Variants in OR51L1 observed in about 807,000 individuals in gnomAD.
OR51L1 encodes olfactory receptor family 51 subfamily L member 1.
In OR51L1, 1 loss-of-function variant was observed where a neutral mutation model predicts 1.4. The observed-to-expected ratio is 0.72, with a 90% CI of 0.26 to 3.42. The LOEUF (loss-of-function observed/expected upper bound fraction) is 3.42. Ranked by LOEUF, OR51L1 falls within the 30% of genes most tolerant of loss-of-function variation. OR51L1 has a pLI of 0.20. For synonymous variants in OR51L1, 156 were observed against 144.2 expected (o/e 1.08, Z -0.59); for missense variants, 378 against 380.0 (o/e 0.99, Z 0.04).
Position 4,999,339 on chromosome 11 carries a change from C to T in OR51L1, c.357C>T (p.Ala119=). 1 of 1,614,156 alleles carries T rather than the reference C, an allele frequency of 6.2e-7. No individual in the cohort carries two copies. The highest frequency in any genetic ancestry group is 8.5e-7 in the Non-Finnish European group (1 of 1,180,034). ...FTFLESSVLL[A]MAFDRFVAIC... ...TCCTGGAGTCCTCAGTGTTGCTGGCCATGGCCTTTGACCGTTTTGTTGCTA... is the reference window on the plus strand; with the variant it reads ...TCCTGGAGTCCTCAGTGTTGCTGGCTATGGCCTTTGACCGTTTTGTTGCTA... Residue 119 remains alanine, a synonymous_variant, in exon 3 of 3, where the codon GCC becomes GCT. Transcript: ENST00000641819.
chr11:4,996,414 A>G (rs1847069182), intron 1 of OR51L1, among the ~76,000 whole-genome samples: 1 of 152,114 alleles, frequency 6.6e-6, no homozygotes, highest in Admixed American at 6.6e-5. Flanking sequence ...CCTAACCTCA[A>G]ATCTATTGGC....
In OR51L1 at chr11:4,998,867, G is replaced by A. The variant is rs1057035883; in HGVS notation, c.-116G>A. The A allele has an allele frequency of 1.3e-5, 15 of 1,158,442 alleles. No individual in the cohort carries two copies. The highest frequency in any genetic ancestry group is 3.1e-5 in the African/African-American group (2 of 64,542). 71.8% of individuals were successfully genotyped at this position (1,158,442 alleles called of 1,614,324 possible). On this transcript the variant is annotated 5_prime_UTR_variant, in exon 3 of 3. Transcript: ENST00000641819. The stretch of plus-strand genomic sequence containing the variant: ...GCTTCCTTCCTCTGTGAGGTTAGAC[G>A]AAAGATGTATTTTTGTCCTCATTCC...
In OR51L1 at chr11:5,000,229, G is replaced by T. The variant is rs541691968; in HGVS notation, c.*299G>T. On this transcript the variant is annotated 3_prime_UTR_variant, in exon 3 of 3. Coordinates refer to ENST00000641819, the MANE Select transcript of OR51L1 (RefSeq NM_001004755.2). ...TTATTAATGTTATTAAGTTGTCATT[G>T]TTGTTAATGATAACAGTATTTTCCT... 1 of 241,262 alleles carries T rather than the reference G, an allele frequency of 4.1e-6. No individual in the cohort carries two copies. The highest frequency in any genetic ancestry group is 1.1e-4 in the South Asian group (1 of 9,162). The allele number at this position is 241,262 out of a possible 1,614,324, so 14.9% of individuals were successfully genotyped here.
chr11:5,004,257 C>T lies in OR51L1; in HGVS notation c.*4327C>T, dbSNP rs928675291. 4 of 152,096 alleles carry T rather than the reference C, an allele frequency of 2.6e-5. No homozygotes were observed. Among genetic ancestry groups the T allele is most frequent in the Admixed American group, 2.6e-4 (4 of 15,246 alleles). 9.4% of individuals were successfully genotyped at this position (152,096 alleles called of 1,614,324 possible). A position where few individuals can be genotyped will look rare whatever the true frequency, so the allele number is the denominator to read the frequency against. On this transcript the variant is annotated 3_prime_UTR_variant, in exon 3 of 3. Coordinates refer to ENST00000641819, the MANE Select transcript of OR51L1 (RefSeq NM_001004755.2). ...ACACTTCTGTGGGGTATAGGTGAAC[C>T]AAGGCTGAGAGACTAAGATTCCTTT...
rs1847124743 is a variant in OR51L1 at position 5,000,909 on chromosome 11, T to G, written c.*979T>G. The G allele has an allele frequency of 1.3e-5, 2 of 152,284 alleles. No homozygotes were observed. The highest frequency in any genetic ancestry group is 2.1e-4 in the South Asian group (1 of 4,820). The allele number at this position is 152,284 out of a possible 1,614,324, so 9.4% of individuals were successfully genotyped here. On this transcript the variant is annotated 3_prime_UTR_variant, in exon 3 of 3. Coordinates refer to ENST00000641819, the MANE Select transcript of OR51L1 (RefSeq NM_001004755.2). ...GTTTTAAGACTTGGTCTATGGAACTTCTTTTTCTTTCTTTTTCTTTTGAGA... is the reference window on the plus strand; with the variant it reads ...GTTTTAAGACTTGGTCTATGGAACTGCTTTTTCTTTCTTTTTCTTTTGAGA...
intron 2 of OR51L1, among the ~76,000 whole-genome samples, chr11:4,998,436 T>C (rs969998312): frequency 2.6e-5 from 4 of 151,850 alleles, no homozygotes; most frequent in East Asian, 1.9e-4. Flanking sequence ...GTATTTATCT[T>C]GTATTATTAA....
At chr11:4,995,493 A>G (rs1189464820) in intron 1 of OR51L1, among the ~76,000 whole-genome samples, 158 bp downstream of exon 1, 1 of 152,142 alleles carries the variant, frequency 6.6e-6, no homozygotes, top group Non-Finnish European at 1.5e-5. Flanking sequence ...AATTAAATTT[A>G]TTACAGTATT....
chr11:4,995,531 C>T (rs971678141), intron 1 of OR51L1, among the ~76,000 whole-genome samples, 196 bp downstream of exon 1: 4 of 151,858 alleles, frequency 2.6e-5, no homozygotes, highest in African/African-American at 9.7e-5. Flanking sequence ...TTATTTTCAG[C>T]GATTTTAAGA....
In OR51L1 at chr11:4,999,884, T is replaced by G; in HGVS notation, c.902T>G (p.Ile301Ser). The G allele has an allele frequency of 6.2e-7, 1 of 1,613,720 alleles. No homozygotes were observed. The highest frequency in any genetic ancestry group is 1.1e-5 in the South Asian group (1 of 91,026). ...PIVYSVRTKQ[I>S]RLGILHKFVL... ...GTCTATAGTGTCAGAACAAAGCAGA[T>G]TCGTCTAGGAATTCTCCACAAGTTT... The change falls in exon 3 of 3, where the codon ATT becomes AGT. Residue 301 changes from isoleucine to serine, a missense_variant. By Grantham distance (142) the Ile-to-Ser change is moderately radical (BLOSUM62 -2). Coordinates refer to ENST00000641819, the MANE Select transcript of OR51L1 (RefSeq NM_001004755.2).
At chr11:4,998,426 G>C (rs553168851) in intron 2 of OR51L1, among the ~76,000 whole-genome samples, 2 of 151,402 alleles carry the variant, frequency 1.3e-5, no homozygotes, top group Admixed American at 6.6e-5. Flanking sequence ...TCATATAGGG[G>C]TATTTATCTT....
chr11:5,002,376 G>A lies in OR51L1; in HGVS notation c.*2446G>A, dbSNP rs747432720. The A allele has an allele frequency of 1.3e-5, 2 of 152,098 alleles. No homozygotes were observed. The highest frequency in any genetic ancestry group is 4.8e-5 in the African/African-American group (2 of 41,414). The allele number at this position is 152,098 out of a possible 1,614,324, so 9.4% of individuals were successfully genotyped here. A position where few individuals can be genotyped will look rare whatever the true frequency, so the allele number is the denominator to read the frequency against. On this transcript the variant is annotated 3_prime_UTR_variant, in exon 3 of 3. Coordinates refer to ENST00000641819, the MANE Select transcript of OR51L1 (RefSeq NM_001004755.2). ...AAGAGGTTAGAAAGAGTATGTGTTA[G>A]CAACGTTCTTCAGTCTAACTTAAAA...
rs1847151558 is a variant in OR51L1, at chr11:5,003,684, T to C, written c.*3754T>C. On this transcript the variant is annotated 3_prime_UTR_variant, in exon 3 of 3. Coordinates refer to ENST00000641819, the MANE Select transcript of OR51L1 (RefSeq NM_001004755.2). The stretch of plus-strand genomic sequence containing the variant: ...TCAGGCAGATGAAACAGGATGAGAA[T>C]TCAAGAGCAAATATCCATGGTTTTT... 6.6e-6 allele frequency: 1 copy of C among 152,076 alleles called. No homozygotes were observed. The highest frequency in any genetic ancestry group is 2.4e-5 in the African/African-American group (1 of 41,406). The allele number at this position is 152,076 out of a possible 1,614,324, so 9.4% of individuals were successfully genotyped here.
Position 5,001,385 on chromosome 11 carries a change from A to C in OR51L1, c.*1455A>C, listed in dbSNP as rs1847130026. On this transcript the variant is annotated 3_prime_UTR_variant, in exon 3 of 3. Coordinates refer to ENST00000641819, the MANE Select transcript of OR51L1 (RefSeq NM_001004755.2). ...AAAATATACATATATATTTTAAAGAAAATGGGGTACTCAGTTACAGGAATT... is the reference window on the plus strand; with the variant it reads ...AAAATATACATATATATTTTAAAGACAATGGGGTACTCAGTTACAGGAATT... 6.6e-6 allele frequency: 1 copy of C among 152,248 alleles called. No individual in the cohort carries two copies. Among genetic ancestry groups the C allele is most frequent in the Admixed American group, 6.5e-5 (1 of 15,284 alleles). The allele number at this position is 152,248 out of a possible 1,614,324, so 9.4% of individuals were successfully genotyped here.
rs759507472 is a variant in OR51L1 at position 4,999,201 on chromosome 11, G to A, written c.219G>A (p.Leu73=). The A allele has an allele frequency of 6.2e-7, 1 of 1,614,062 alleles. No homozygotes were observed. The highest frequency in any genetic ancestry group is 8.5e-7 in the Non-Finnish European group (1 of 1,179,950). Residue 73 remains leucine (L), a synonymous_variant, in exon 3 of 3, where the codon CTG becomes CTA. Coordinates refer to ENST00000641819, the MANE Select transcript of OR51L1 (RefSeq NM_001004755.2). ...YFISILAVND[L]GMSLSTLPTM... ...TTTCCATCTTAGCAGTGAATGACCTGGGGATGTCCCTGTCTACACTTCCCA... is the reference window on the plus strand; with the variant it reads ...TTTCCATCTTAGCAGTGAATGACCTAGGGATGTCCCTGTCTACACTTCCCA...
At position 4,999,942 on chromosome 11, in the gene OR51L1, C is replaced by T. The variant is rs750368908; in HGVS notation, c.*12C>T. The stretch of plus-strand genomic sequence containing the variant: ...GGAGGAGGTTTTAAGTAACCTCTGT[C>T]CTCCAACTTTTCCACTGAAAATCTC... On this transcript the variant is annotated 3_prime_UTR_variant, in exon 3 of 3. Coordinates refer to ENST00000641819, the MANE Select transcript of OR51L1 (RefSeq NM_001004755.2). 6.4e-7 allele frequency: 1 copy of T among 1,571,592 alleles called. No individual in the cohort carries two copies. Among genetic ancestry groups the T allele is most frequent in the Non-Finnish European group, 8.6e-7 (1 of 1,159,898 alleles).
intron 1 of OR51L1, among the ~76,000 whole-genome samples, chr11:4,996,800 C>T (rs1348438979): frequency 7.2e-6 from 1 of 138,898 alleles, no homozygotes; most frequent in Non-Finnish European, 1.6e-5. Context: ...TTCTTTCTCT[C>T]CTCCCTCTCT....
chr11:4,996,707 C>CT (rs759580258), intron 1 of OR51L1, among the ~76,000 whole-genome samples: 20,412 of 106,840 alleles, frequency 0.19, 1,637 homozygotes, highest in Middle Eastern at 0.31. Flanking sequence ...CTTTTCCTTC[C>CT]TTCCTTTCTT....
rs1186726683 is a variant in OR51L1 at position 4,994,978 on chromosome 11, A to C, written c.-619A>C. 6.6e-6 allele frequency: 1 copy of C among 152,226 alleles called. No individual in the cohort carries two copies. Among genetic ancestry groups the C allele is most frequent in the Non-Finnish European group, 1.5e-5 (1 of 68,042 alleles). The allele number at this position is 152,226 out of a possible 1,614,324, so 9.4% of individuals were successfully genotyped here. A position where few individuals can be genotyped will look rare whatever the true frequency, so the allele number is the denominator to read the frequency against. On this transcript the variant is annotated 5_prime_UTR_variant, in exon 1 of 3. Transcript: ENST00000641819. ...TGAGAGATAAGCCCGTAAGAGCAGC[A>C]ACTTAAACCACAGACACACAAAGAG...
chr11:4,998,830 C>G lies in OR51L1; in HGVS notation c.-153C>G, dbSNP rs1847096022. ...GGAAATGTTTTTTACATAGGGCCGA[C>G]AAGAGATACCAGCTTCCTTCCTCTG... On this transcript the variant is annotated 5_prime_UTR_variant, in exon 3 of 3. Transcript: ENST00000641819. 1.2e-6 allele frequency: 1 copy of G among 803,024 alleles called. No individual in the cohort carries two copies. 49.7% of individuals were successfully genotyped at this position (803,024 alleles called of 1,614,324 possible). A position where few individuals can be genotyped will look rare whatever the true frequency, so the allele number is the denominator to read the frequency against.
Sources: gnomAD v4.1 joint callset for allele counts (sites outside exome capture counted in the v4.1 genomes callset) on GRCh38, gnomAD v4.1.1 for gene constraint, MANE v1.5 for transcripts, NCBI Gene and HGNC (gene_info 2026-07-23, HGNC 2026-07-21) for gene names.